The following SEC23B variants were observed in gnomAD, a reference collection of about 807,000 sequenced individuals.
The protein encoded by SEC23B is SEC23 homolog B, COPII component.
In SEC23B, 77 loss-of-function variants were observed where a neutral mutation model predicts 104.3. The observed-to-expected ratio is 0.74, with a 90% CI of 0.61 to 0.89. The LOEUF (loss-of-function observed/expected upper bound fraction) is 0.89, where lower values mean the gene tolerates loss of function less well. SEC23B is among the 40% of genes least tolerant of loss of function. The probability of loss-of-function intolerance (pLI) is 0.00; values close to 1 mark genes in which losing one functional copy is unlikely to be tolerated. For missense variants in SEC23B, 885 were observed against 949.4 expected (o/e 0.93, Z 0.89); for synonymous variants, 338 against 332.5 (o/e 1.02, Z -0.18).
intron 19 of SEC23B, among the ~76,000 whole-genome samples, chr20:18,556,598 A>G (rs1428852742): frequency 1.3e-5 from 2 of 152,132 alleles, no homozygotes; most frequent in Non-Finnish European, 2.9e-5. Context: ...TATTTTCTCA[A>G]AGAATCAGCT....
chr20:18,530,907 G>T, intron 10 of SEC23B, 104 bp downstream of exon 10: 1 of 896,902 alleles, frequency 1.1e-6, no homozygotes. Context: ...GTCCTAAAGT[G>T]CTGGGATTAT....
chr20:18,526,205 G>C (rs2060132518), intron 7 of SEC23B, among the ~76,000 whole-genome samples, 168 bp from the exon 8 acceptor site: 1 of 152,224 alleles, frequency 6.6e-6, no homozygotes. Flanking sequence ...AAGGTTGGAA[G>C]AAGACAAGTG....
chr20:18,518,059 T>G (rs2060046218), intron 4 of SEC23B, among the ~76,000 whole-genome samples: 1 of 152,186 alleles, frequency 6.6e-6, no homozygotes, highest in Admixed American at 6.5e-5. Context: ...TGTCCTACCG[T>G]TCCTGAAGAT....
chr20:18,552,021 C>T (rs1453563481), intron 17 of SEC23B, among the ~76,000 whole-genome samples: 1 of 152,088 alleles, frequency 6.6e-6, no homozygotes, highest in Non-Finnish European at 1.5e-5. Flanking sequence ...GGTTCATGCC[C>T]TGAGAAAGGG....
chr20:18,555,535 T>G (rs754810595), intron 19 of SEC23B, among the ~76,000 whole-genome samples: 3 of 151,904 alleles, frequency 2.0e-5, no homozygotes, highest in Non-Finnish European at 2.9e-5. Flanking sequence ...TTTTGCCGCC[T>G]CCTCACTTTC....
chr20:18,526,502 A>G lies in SEC23B; in HGVS notation c.964A>G (p.Asn322Asp). Reference protein sequence around the residue: ...IRSWHDIEKDNARFMKKATKH... With the variant: ...IRSWHDIEKDDARFMKKATKH... Reference sequence around the variant, plus strand: ...TTCTTGGCATGATATTGAGAAAGATAATGCACGATTCATGAAAAAGGCAAC... The same window carrying G: ...TTCTTGGCATGATATTGAGAAAGATGATGCACGATTCATGAAAAAGGCAAC... The change falls in exon 8 of 20, where the codon AAT becomes GAT. Residue 322 changes from asparagine to aspartate, a missense_variant. Asn to Asp is a conservative substitution (Grantham distance 23, BLOSUM62 1). Coordinates refer to ENST00000650089, the MANE Select transcript of SEC23B (RefSeq NM_006363.6). 1 of 1,614,192 alleles carries G rather than the reference A, an allele frequency of 6.2e-7. No homozygotes were observed. Among genetic ancestry groups the G allele is most frequent in the South Asian group, 1.1e-5 (1 of 91,084 alleles).
At chr20:18,558,504 AC>A (rs1395940483) in intron 19 of SEC23B, among the ~76,000 whole-genome samples, 1 of 152,154 alleles carries the variant, frequency 6.6e-6, no homozygotes, top group African/African-American at 2.4e-5. Flanking sequence ...ATGCCTTTTC[AC>A]CTGCTCTCTT....
At chr20:18,515,537 T>G in intron 3 of SEC23B, 113 bp from the exon 4 acceptor site, 1 of 705,010 alleles carries the variant, frequency 1.4e-6, no homozygotes, top group South Asian at 1.5e-5. Context: ...AGTCTGGAGC[T>G]CCTGAGCTCA....
chr20:18,543,306 G>A, intron 14 of SEC23B, 134 bp downstream of exon 14: 2 of 1,105,550 alleles, frequency 1.8e-6, no homozygotes, highest in South Asian at 1.3e-5. Context: ...CTGCACGCTG[G>A]ACATTCTGTT....
rs1380059783 is a variant in SEC23B at position 18,554,510 on chromosome 20, T to C, written c.2148+120T>C. The C allele has an allele frequency of 2.3e-6, 3 of 1,311,072 alleles. No individual in the cohort carries two copies. The African/African-American group carries it at 4.4e-5, about 19-fold the overall frequency. 81.2% of individuals were successfully genotyped at this position (1,311,072 alleles called of 1,614,324 possible). A position where few individuals can be genotyped will look rare whatever the true frequency, so the allele number is the denominator to read the frequency against. On this transcript the variant is annotated intron_variant, in intron 18 of 19. Transcript: ENST00000650089. Reference sequence around the variant, plus strand: ...ATGACATAAATTGACACACAGGTAATCTTCCAAATATGACTTCTTTTTAAA... The same window carrying C: ...ATGACATAAATTGACACACAGGTAACCTTCCAAATATGACTTCTTTTTAAA...
chr20:18,532,824 A>G (rs1415706203), intron 11 of SEC23B, 80 bp downstream of exon 11: 1 of 1,006,518 alleles, frequency 9.9e-7, no homozygotes, highest in Non-Finnish European at 1.6e-6. Context: ...ATGATCTCAC[A>G]TGTGTCACCT....
At chr20:18,546,633 C>CG (rs1282399945) in intron 15 of SEC23B, among the ~76,000 whole-genome samples, 2 of 152,188 alleles carry the variant, frequency 1.3e-5, no homozygotes, top group African/African-American at 2.4e-5. Context: ...CTGAGGCCAA[C>CG]TGAGTATTAA....
At chr20:18,554,967 CAATTCTAATTAGATTACTGTGCAGTAAA>C in intron 18 of SEC23B, 113 bp from the exon 19 acceptor site, 10 of 69,428 alleles carry the variant, frequency 1.4e-4, no homozygotes, top group Non-Finnish European at 3.1e-4. Context: ...TGCAGTAAAA[CAATTCTAATTAGATTACTGTGCAGTAAA>C]ACAATTCTAA....
intron 4 of SEC23B, 92 bp downstream of exon 4, chr20:18,515,828 G>A: frequency 1.2e-6 from 1 of 847,924 alleles, no homozygotes; most frequent in South Asian, 1.4e-5. Flanking sequence ...CTGGGCAGGG[G>A]ACTTAAAGCT....
At chr20:18,538,179 G>T (rs1296958286) in intron 12 of SEC23B, among the ~76,000 whole-genome samples, 1 of 151,584 alleles carries the variant, frequency 6.6e-6, no homozygotes, top group African/African-American at 2.4e-5. Context: ...GACCTCAAGT[G>T]ATCTGCCTGC....
At chr20:18,517,021 G>A (rs2060035432) in intron 4 of SEC23B, among the ~76,000 whole-genome samples, 1 of 152,176 alleles carries the variant, frequency 6.6e-6, no homozygotes, top group Admixed American at 6.5e-5. Flanking sequence ...CCTTGAACAT[G>A]AGCATGCTCA....
chr20:18,554,976 TTAGATTACTGTGCAGTAAAACAA>T, intron 18 of SEC23B, 109 bp from the exon 19 acceptor site: 63 of 71,010 alleles, frequency 8.9e-4, no homozygotes, highest in South Asian at 2.5e-3. Context: ...ACAATTCTAA[TTAGATTACTGTGCAGTAAAACAA>T]TTCTAATTTA....
intron 3 of SEC23B, among the ~76,000 whole-genome samples, chr20:18,514,512 C>T (rs2060008079): frequency 6.6e-6 from 1 of 152,182 alleles, no homozygotes; most frequent in Non-Finnish European, 1.5e-5. Context: ...CTCAGCAGCA[C>T]TTGCATTTGG....
chr20:18,549,392 T>C (rs186236286), intron 16 of SEC23B, among the ~76,000 whole-genome samples: 3 of 152,310 alleles, frequency 2.0e-5, no homozygotes, highest in Admixed American at 6.5e-5. Flanking sequence ...ATTGTCATAC[T>C]GTATGGTTTA....
Sources: gnomAD v4.1 joint callset for allele counts (sites outside exome capture counted in the v4.1 genomes callset) on GRCh38, gnomAD v4.1.1 for gene constraint, MANE v1.5 for transcripts, NCBI Gene and HGNC (gene_info 2026-07-23, HGNC 2026-07-21) for gene names.